KAZN: variants seen among roughly 807,000 people sequenced by gnomAD.
The protein encoded by KAZN is kazrin.
In KAZN, 40 loss-of-function variants were observed where a neutral mutation model predicts 87.4. The observed-to-expected ratio is 0.46, with a 90% CI of 0.36 to 0.60. The LOEUF (loss-of-function observed/expected upper bound fraction) is 0.60, where lower values mean the gene tolerates loss of function less well. Among genes scored for constraint, KAZN ranks in the 20% least tolerant of loss-of-function variants. KAZN has a pLI of 0.00. For synonymous variants in KAZN, 466 were observed against 458.3 expected, an observed-to-expected ratio of 1.02 and a Z score of -0.22; for missense variants, 898 against 1,073.9, an observed-to-expected ratio of 0.84 and a Z score of 2.29.
intron 2 of KAZN, among the ~76,000 whole-genome samples, chr1:14,322,467 C>T (rs546337425): frequency 1.3e-5 from 2 of 152,224 alleles, no homozygotes; most frequent in South Asian, 4.1e-4. Flanking sequence ...CTTTGACAGC[C>T]TCTAAACTGT....
At chr1:14,862,921 C>G (rs1250831925) in intron 1 of KAZN, among the ~76,000 whole-genome samples, 1 of 152,182 alleles carries the variant, frequency 6.6e-6, no homozygotes, top group Non-Finnish European at 1.5e-5. Context: ...AACACTGAGA[C>G]AAGCGCAATG....
At chr1:14,711,437 C>A (rs1642481151) in intron 1 of KAZN, among the ~76,000 whole-genome samples, 1 of 151,988 alleles carries the variant, frequency 6.6e-6, no homozygotes, top group Admixed American at 6.6e-5. Flanking sequence ...CAGTTGATTT[C>A]TCTGGGAGAA....
intron 2 of KAZN, among the ~76,000 whole-genome samples, chr1:14,374,350 TGAAC>T (rs1660732680): frequency 1.3e-5 from 2 of 152,132 alleles, no homozygotes; most frequent in Admixed American, 6.5e-5. Context: ...ATCAGCTGAA[TGAAC>T]GAATGTTTGG....
chr1:14,312,604 T>C (rs1217895375), intron 2 of KAZN, among the ~76,000 whole-genome samples: 1 of 152,204 alleles, frequency 6.6e-6, no homozygotes, highest in Non-Finnish European at 1.5e-5. Context: ...GTATAATATA[T>C]AGAAACACCC....
chr1:14,385,952 C>G (rs1661843719), intron 2 of KAZN, among the ~76,000 whole-genome samples: 1 of 150,768 alleles, frequency 6.6e-6, no homozygotes, highest in Non-Finnish European at 1.5e-5. Flanking sequence ...GAGTCTAAGT[C>G]TCTTTGTAGG....
chr1:14,505,390 C>T (rs1670522258), intron 2 of KAZN, among the ~76,000 whole-genome samples: 1 of 152,182 alleles, frequency 6.6e-6, no homozygotes, highest in Admixed American at 6.5e-5. Flanking sequence ...ATGCTTCTTC[C>T]TTCTGTGACA....
At chr1:14,532,633 C>A (rs1672273276) in intron 2 of KAZN, among the ~76,000 whole-genome samples, 1 of 113,608 alleles carries the variant, frequency 8.8e-6, no homozygotes, top group African/African-American at 3.6e-5. Context: ...CCCCACCCCA[C>A]AACAGTCCCT....
intron 2 of KAZN, among the ~76,000 whole-genome samples, chr1:14,194,153 C>T (rs1271042432): frequency 6.6e-6 from 1 of 152,078 alleles, no homozygotes; most frequent in East Asian, 1.9e-4. Context: ...TTCAGGTGAT[C>T]TTTAGGGCTT....
chr1:14,697,233 G>A (rs887509746), intron 1 of KAZN, among the ~76,000 whole-genome samples: 1 of 151,966 alleles, frequency 6.6e-6, no homozygotes, highest in Non-Finnish European at 1.5e-5. Context: ...CAGAGGCTGA[G>A]GCAGGCGGAT....
chr1:14,144,614 A>G (rs1308818175), intron 1 of KAZN, among the ~76,000 whole-genome samples: 1 of 152,096 alleles, frequency 6.6e-6, no homozygotes, highest in Non-Finnish European at 1.5e-5. Context: ...TTGTGTTGCT[A>G]TAACAGAATA....
intron 1 of KAZN, among the ~76,000 whole-genome samples, chr1:14,714,860 TCA>T (rs1206159782): frequency 7.2e-6 from 1 of 139,526 alleles, no homozygotes; most frequent in African/African-American, 2.7e-5. Flanking sequence ...AGTGGCACAA[TCA>T]CAGTTCACCG....
At chr1:14,836,664 C>T (rs1291368605) in intron 1 of KAZN, among the ~76,000 whole-genome samples, 1 of 152,124 alleles carries the variant, frequency 6.6e-6, no homozygotes, top group African/African-American at 2.4e-5. Flanking sequence ...CCCCAACTCC[C>T]ACCTCCTGCT....
At chr1:14,075,858 G>T (rs1643436390) in intron 1 of KAZN, among the ~76,000 whole-genome samples, 1 of 152,112 alleles carries the variant, frequency 6.6e-6, no homozygotes, top group Non-Finnish European at 1.5e-5. Flanking sequence ...GTTGAATGGT[G>T]TTCCCGTCCC....
chr1:15,047,734 G>C (rs536451474), intron 4 of KAZN, among the ~76,000 whole-genome samples: 3 of 152,160 alleles, frequency 2.0e-5, no homozygotes, highest in East Asian at 3.9e-4. Context: ...TCGCACCACT[G>C]CACTCCAGCC....
intron 1 of KAZN, among the ~76,000 whole-genome samples, chr1:14,088,144 A>G (rs937482668): frequency 6.6e-6 from 1 of 151,634 alleles, no homozygotes; most frequent in African/African-American, 2.4e-5. Context: ...GGGCTATTCA[A>G]TTTATCCAGT....
In KAZN at chr1:14,948,275, G is replaced by A. The variant is rs114654950; in HGVS notation, c.227-12409G>A. On this transcript the variant is annotated intron_variant, in intron 1 of 14. Transcript: ENST00000376030. ...TCAGGGATAGGATCTGGCTTCAGGT[G>A]TGGTGTGATCCAGGACTCAACTATT... 5.2e-3 allele frequency among the ~76,000 whole-genome samples: 789 copies of A among 152,364 alleles called. 2 individuals carry two copies. Among genetic ancestry groups the A allele is most frequent in the Non-Finnish European group, 7.6e-3 (514 of 68,032 alleles).
At chr1:14,606,823 A>G (rs1167404696) in intron 1 of KAZN, among the ~76,000 whole-genome samples, 2 of 152,206 alleles carry the variant, frequency 1.3e-5, no homozygotes, top group African/African-American at 4.8e-5. Flanking sequence ...TCTACCCACT[A>G]GATGACAGTA....
At position 14,914,134 on chromosome 1, in the gene KAZN, G is replaced by T. The variant is rs541837252; in HGVS notation, c.227-46550G>T. ...CTGTGGAAACAGACTGTTGGGCCTC[G>T]CCTCCTGGGTTTCTGATTCAGGAGG... On this transcript the variant is annotated intron_variant, in intron 1 of 14. Transcript: ENST00000376030. Among the ~76,000 whole-genome samples, 49 of 152,324 alleles carry T rather than the reference G, an allele frequency of 3.2e-4. 1 individual carries two copies. The East Asian group carries it at 4.3e-3, about 13-fold the overall frequency.
Position 14,324,814 on chromosome 1 carries a change from C to T in KAZN, c.249+144222C>T, listed in dbSNP as rs551464627. On this transcript the variant is annotated intron_variant, in intron 2 of 16. Transcript: ENST00000636203. ...TCCACTGAAAATATCCTAAGACTTA[C>T]GGCTGCAAATATAGATGTTCTTTAA... Among the ~76,000 whole-genome samples the T allele has an allele frequency of 3.7e-4, 57 of 152,204 alleles. 1 individual carries two copies. Among genetic ancestry groups the T allele is most frequent in the South Asian group, 1.7e-3 (8 of 4,818 alleles).
Sources: allele counts gnomAD v4.1 joint callset (sites outside exome capture counted in the v4.1 genomes callset), GRCh38; gene constraint gnomAD v4.1.1; transcripts MANE v1.5; gene names NCBI Gene and HGNC (gene_info 2026-07-23, HGNC 2026-07-21).